Variants in S100A2 observed in about 807,000 individuals in gnomAD.
The protein encoded by S100A2 is S100 calcium binding protein A2, also known as protein S100-A2.
S100A2 carries 5 observed loss-of-function variants against 4.3 expected under a neutral mutation model. That is an observed-to-expected ratio of 1.16 (90% CI 0.61 to 2.44). The LOEUF (loss-of-function observed/expected upper bound fraction) is 2.44, where lower values mean the gene tolerates loss of function less well. Ranked by LOEUF, S100A2 falls within the 30% of genes most tolerant of loss-of-function variation. The pLI, the probability that S100A2 is intolerant of heterozygous loss-of-function variation, is 0.01. For synonymous variants in S100A2, 44 were observed against 46.0 expected, an observed-to-expected ratio of 0.96 and a Z score of 0.17; for missense variants, 103 against 114.7, an observed-to-expected ratio of 0.90 and a Z score of 0.47.
intron 2 of S100A2, chr1:153,563,414 C>T (rs1397330429): frequency 6.5e-7 from 1 of 1,550,074 alleles, no homozygotes; most frequent in East Asian, 2.4e-5. Context: ...AGAGAACGTG[C>T]CAGTGCTGTG....
intron 2 of S100A2, 108 bp from the exon 3 acceptor site, chr1:153,561,699 CT>C (rs1665899457): frequency 2.7e-6 from 4 of 1,503,032 alleles, no homozygotes; most frequent in Non-Finnish European, 3.7e-6. Flanking sequence ...TCCCTCCCCA[CT>C]GGGCAGCTGG....
intron 2 of S100A2, among the ~76,000 whole-genome samples, chr1:153,562,996 G>A (rs937574189): frequency 2.7e-5 from 4 of 147,516 alleles, no homozygotes; most frequent in African/African-American, 7.4e-5. Flanking sequence ...AAAGGAGTCC[G>A]GGCACGGTGG....
intron 2 of S100A2, among the ~76,000 whole-genome samples, chr1:153,562,344 A>G (rs564860439): frequency 2.0e-5 from 3 of 150,768 alleles, no homozygotes; most frequent in Non-Finnish European, 4.4e-5. Flanking sequence ...GAGTCTTGCT[A>G]TGTTGCCCAG....
chr1:153,563,372 CAAA>C (rs367581175), intron 2 of S100A2: 209 of 1,275,826 alleles, frequency 1.6e-4, no homozygotes, highest in Middle Eastern at 4.2e-4. Context: ...AACTCCATCT[CAAA>C]AAAAAAAAAA....
At chr1:153,564,980 AC>A (rs1185986834) in intron 1 of S100A2, among the ~76,000 whole-genome samples, 1 of 151,424 alleles carries the variant, frequency 6.6e-6, no homozygotes, top group Non-Finnish European at 1.5e-5. Context: ...CCTCAGAGCA[AC>A]CCCTGCACTG....
intron 1 of S100A2, among the ~76,000 whole-genome samples, chr1:153,565,173 A>G (rs1665980867): frequency 6.6e-6 from 1 of 151,874 alleles, no homozygotes; most frequent in South Asian, 2.1e-4. Flanking sequence ...TTAGCCGGGC[A>G]TGGTGGTGGG....
chr1:153,563,842 CA>C lies in S100A2; in HGVS notation c.35del (p.Val12GlyfsTer19). The C allele has an allele frequency of 6.2e-7, 1 of 1,614,226 alleles. No individual in the cohort carries two copies. The highest frequency in any genetic ancestry group is 8.5e-7 in the Non-Finnish European group (1 of 1,180,040). ...MCSSLEQALA[V>X]LVTTFHKYSC... ...AGTACTTGTGGAAGGTAGTGACCAG[CA>C]CAGCCAGCGCCTGCTCCAGAGAACT... On this transcript the variant is annotated frameshift_variant, in exon 2 of 3. Coordinates refer to ENST00000368708, the MANE Select transcript of S100A2 (RefSeq NM_005978.4). LOFTEE classifies it high-confidence loss of function.
chr1:153,564,175 G>A (rs1251681790), intron 1 of S100A2: 1 of 317,942 alleles, frequency 3.1e-6, no homozygotes, highest in Non-Finnish European at 5.8e-6. Flanking sequence ...CCCCATTTTA[G>A]TGTCTGCCAG....
At position 153,563,452 on chromosome 1, in the gene S100A2, C is replaced by T. The variant is rs1438672691; in HGVS notation, c.144+282G>A. The stretch of plus-strand genomic sequence containing the variant: ...ATCTTGGGACAATCACTTTTCCCTT[C>T]TGGGCTCTGGTTTCTCAAGTCTCCA... On this transcript the variant is annotated intron_variant, in intron 2 of 2. Transcript: ENST00000368708. 3.2e-6 allele frequency: 5 copies of T among 1,550,364 alleles called. No homozygotes were observed. In the African/African-American group the frequency reaches 6.9e-5, roughly 21 times the overall value.
chr1:153,565,030 G>A (rs770487036), intron 1 of S100A2, among the ~76,000 whole-genome samples: 1 of 151,328 alleles, frequency 6.6e-6, no homozygotes, highest in South Asian at 2.1e-4. Flanking sequence ...CCCTTCAGTC[G>A]GCCGGGCGCG....
chr1:153,565,376 C>T (rs937632343), intron 1 of S100A2, 130 bp downstream of exon 1: 3 of 151,558 alleles, frequency 2.0e-5, no homozygotes, highest in African/African-American at 7.3e-5. Flanking sequence ...AGAGTTCTTC[C>T]AAGGGGGAAG....
chr1:153,561,478 C>T lies in S100A2; in HGVS notation c.258G>A (p.Met86Ile), dbSNP rs754860101. The change falls in exon 3 of 3, where the codon ATG (methionine) becomes ATA (isoleucine). Residue 86 changes from methionine to isoleucine, a missense_variant. Met to Ile is a conservative substitution (Grantham distance 10). Coordinates refer to ENST00000368708, the MANE Select transcript of S100A2 (RefSeq NM_005978.4). The stretch of plus-strand genomic sequence containing the variant: ...GGCAGCCCTGGAAGAAGTCATTGCA[C>T]ATGACAGTGATGAGTGCCAGGAAAA... The part of the protein sequence containing the change: ...YAVFLALITV[M>I]CNDFFQGCPD... 11 of 1,614,062 alleles carry T rather than the reference C, an allele frequency of 6.8e-6. No homozygotes were observed. Among genetic ancestry groups the T allele is most frequent in the Admixed American group, 1.7e-5 (1 of 59,998 alleles).
intron 2 of S100A2, chr1:153,563,520 C>T: frequency 6.4e-7 from 1 of 1,550,926 alleles, no homozygotes; most frequent in South Asian, 1.2e-5. Flanking sequence ...CCTCACAGCA[C>T]ATGGTTCTCT....
In S100A2 at chr1:153,563,832, T is replaced by G. The variant is rs912571521; in HGVS notation, c.46A>C (p.Thr16Pro). 9.9e-6 allele frequency: 16 copies of G among 1,614,046 alleles called. No individual in the cohort carries two copies. Among genetic ancestry groups the G allele is most frequent in the Non-Finnish European group, 1.3e-5 (15 of 1,180,024 alleles). The change falls in exon 2 of 3, where the codon ACC (threonine) becomes CCC (proline). Residue 16 changes from threonine to proline, a missense_variant. Physicochemically the swap from Thr to Pro is conservative, Grantham distance 38 (BLOSUM62 -1). Transcript: ENST00000368708. Reference sequence around the variant, plus strand: ...TCTTGGCAGGAGTACTTGTGGAAGGTAGTGACCAGCACAGCCAGCGCCTGC... The same window carrying G: ...TCTTGGCAGGAGTACTTGTGGAAGGGAGTGACCAGCACAGCCAGCGCCTGC... ...LEQALAVLVT[T>P]FHKYSCQEGD...
At chr1:153,562,352 C>G (rs1394294760) in intron 2 of S100A2, among the ~76,000 whole-genome samples, 6 of 152,122 alleles carry the variant, frequency 3.9e-5, no homozygotes, top group Non-Finnish European at 5.9e-5. Context: ...CTATGTTGCC[C>G]AGGCTGGTCG....
At chr1:153,563,713 C>T in intron 2 of S100A2, 21 bp downstream of exon 2, 1 of 1,606,542 alleles carries the variant, frequency 6.2e-7, no homozygotes, top group Non-Finnish European at 8.5e-7. Context: ...AGGACCTCCC[C>T]CACAGGCCTG....
In S100A2 at chr1:153,561,286, C is replaced by T. The variant is rs1381908829; in HGVS notation, c.*153G>A. 9 of 904,728 alleles carry T rather than the reference C, an allele frequency of 9.9e-6. No homozygotes were observed. Among genetic ancestry groups the T allele is most frequent in the Non-Finnish European group, 1.3e-5 (8 of 593,956 alleles). 56.0% of individuals were successfully genotyped at this position (904,728 alleles called of 1,614,324 possible). A position where few individuals can be genotyped will look rare whatever the true frequency, so the allele number is the denominator to read the frequency against. The stretch of plus-strand genomic sequence containing the variant: ...AGCAGGATCCAGGAGGCCCTCATCT[C>T]CCAGCACTCCAGCTGAGCCAGCCGG... On this transcript the variant is annotated 3_prime_UTR_variant, in exon 3 of 3. Transcript: ENST00000368708.
chr1:153,561,541 C>T lies in S100A2; in HGVS notation c.195G>A (p.Glu65=). ...GGAAGTCCACCTGCTGGTCACTGTT[C>T]TCATCCAGGCTGCCCATCAGCTTCT... is the stretch of plus-strand genomic sequence containing the variant. ...GLKKLMGSLD[E]NSDQQVDFQE... Residue 65 remains glutamate (E), a synonymous_variant, in exon 3 of 3, where the codon GAG becomes GAA. Coordinates refer to ENST00000368708, the MANE Select transcript of S100A2 (RefSeq NM_005978.4). The T allele has an allele frequency of 6.2e-7, 1 of 1,614,156 alleles. No homozygotes were observed. Among genetic ancestry groups the T allele is most frequent in the Non-Finnish European group, 8.5e-7 (1 of 1,180,034 alleles).
chr1:153,563,067 A>C (rs1300717308), intron 2 of S100A2, among the ~76,000 whole-genome samples: 1 of 151,700 alleles, frequency 6.6e-6, no homozygotes, highest in Non-Finnish European at 1.5e-5. Context: ...TGAGGTCAGG[A>C]GTTCGAGACC....
Sources: gnomAD v4.1 joint callset for allele counts (sites outside exome capture counted in the v4.1 genomes callset) on GRCh38, gnomAD v4.1.1 for gene constraint, MANE v1.5 for transcripts, NCBI Gene and HGNC (gene_info 2026-07-23, HGNC 2026-07-21) for gene names.